NIPBL: variants seen among roughly 807,000 people sequenced by gnomAD.
The protein encoded by NIPBL is NIPBL cohesin loading factor, also known as nipped-B-like protein.
In NIPBL, 19 loss-of-function variants were observed where a neutral mutation model predicts 321.8. That is an observed-to-expected ratio of 0.06 (90% CI 0.04 to 0.09). The LOEUF (loss-of-function observed/expected upper bound fraction) is 0.09, where lower values mean the gene tolerates loss of function less well. Ranked by LOEUF, NIPBL falls within the 10% of genes least tolerant of loss-of-function variation. The probability of loss-of-function intolerance (pLI) is 1.00; values close to 1 mark genes in which losing one functional copy is unlikely to be tolerated. For synonymous variants in NIPBL, 1,106 were observed against 1,114.1 expected (o/e 0.99, Z 0.14); for missense variants, 2,210 against 3,327.0 (o/e 0.66, Z 8.26).
At chr5:37,007,539 G>C (rs1035339684) in intron 18 of NIPBL, 65 bp downstream of exon 18, 3 of 1,147,680 alleles carry the variant, frequency 2.6e-6, no homozygotes, top group African/African-American at 3.1e-5. Flanking sequence ...GTATAACCTA[G>C]CTCACTCAAT....
chr5:37,056,436 T>C (rs367840537), intron 42 of NIPBL, among the ~76,000 whole-genome samples: 3 of 152,164 alleles, frequency 2.0e-5, no homozygotes, highest in African/African-American at 7.2e-5. Context: ...CCTTTCTGTT[T>C]ATGATCATGA....
At position 37,052,467 on chromosome 5, in the gene NIPBL, T is replaced by A. The variant is rs773405443; in HGVS notation, c.7164T>A (p.Ser2388=). ...GGGGTTTCAGACAAGACGAGTCCTC[T>A]AGCGCTTTGTGTTCACACCTTTACT... ...PVRGFRQDES[S]SALCSHLYSM... The change falls in exon 42 of 47, where the codon TCT becomes TCA. Residue 2388 remains serine, a synonymous_variant. Coordinates refer to ENST00000282516, the MANE Select transcript of NIPBL (RefSeq NM_133433.4). The A allele has an allele frequency of 2.5e-6, 4 of 1,614,002 alleles. No homozygotes were observed. The highest frequency in any genetic ancestry group is 3.3e-5 in the Admixed American group (2 of 59,990).
chr5:37,037,360 C>T (rs1179565432), intron 33 of NIPBL, among the ~76,000 whole-genome samples: 1 of 148,964 alleles, frequency 6.7e-6, no homozygotes, highest in African/African-American at 2.5e-5. Flanking sequence ...TGCACTCCAG[C>T]CTGGGTGACA....
chr5:36,913,489 A>G (rs982240384), intron 1 of NIPBL, among the ~76,000 whole-genome samples: 36 of 151,542 alleles, frequency 2.4e-4, no homozygotes, highest in African/African-American at 8.7e-4. Context: ...TCCTGGGCTC[A>G]AGCCATCCAC....
intron 9 of NIPBL, among the ~76,000 whole-genome samples, chr5:36,976,690 G>A (rs991172519): frequency 3.9e-5 from 6 of 151,938 alleles, no homozygotes; most frequent in African/African-American, 1.4e-4. Context: ...ATGAACATTA[G>A]CATTTCTATA....
intron 1 of NIPBL, among the ~76,000 whole-genome samples, chr5:36,905,715 C>T (rs1747579670): frequency 6.6e-6 from 1 of 151,520 alleles, no homozygotes; most frequent in African/African-American, 2.4e-5. Context: ...ATAAGAAAGT[C>T]AAAGAAAATT....
At chr5:36,907,804 C>T (rs1368581163) in intron 1 of NIPBL, among the ~76,000 whole-genome samples, 1 of 152,068 alleles carries the variant, frequency 6.6e-6, no homozygotes, top group African/African-American at 2.4e-5. Context: ...AATAACTAAA[C>T]TAAATAAATA....
In NIPBL at chr5:37,002,784, A is replaced by G; in HGVS notation, c.3768+19A>G. Reference sequence around the variant, plus strand: ...GGATAAGGTATCTCACCAAAGTAAAATTTATAAATTTACTTCATAGAAACA... The same window carrying G: ...GGATAAGGTATCTCACCAAAGTAAAGTTTATAAATTTACTTCATAGAAACA... On this transcript the variant is annotated intron_variant, in intron 15 of 46. Transcript: ENST00000282516. 7.7e-7 allele frequency: 1 copy of G among 1,300,676 alleles called. No homozygotes were observed. Among genetic ancestry groups the G allele is most frequent in the Non-Finnish European group, 1.1e-6 (1 of 899,422 alleles). 80.6% of individuals were successfully genotyped at this position (1,300,676 alleles called of 1,614,324 possible).
At chr5:36,971,599 A>G (rs1742861479) in intron 7 of NIPBL, 1 of 152,524 alleles carries the variant, frequency 6.6e-6, no homozygotes, top group Non-Finnish European at 1.5e-5. Context: ...TGTAAGCTGC[A>G]TGTGTCTAAG....
intron 1 of NIPBL, among the ~76,000 whole-genome samples, chr5:36,945,566 A>G (rs563243833): frequency 9.9e-5 from 15 of 152,190 alleles, no homozygotes; most frequent in Non-Finnish European, 2.1e-4. Flanking sequence ...ACGCATATAC[A>G]TTATTGGTAT....
At chr5:37,051,609 C>A in intron 40 of NIPBL, 170 bp from the exon 41 acceptor site, 1 of 615,972 alleles carries the variant, frequency 1.6e-6, no homozygotes. Flanking sequence ...TGGATTTAAG[C>A]TGAATCTCAA....
intron 24 of NIPBL, among the ~76,000 whole-genome samples, chr5:37,018,151 A>C (rs1749202941): frequency 6.6e-6 from 1 of 151,952 alleles, no homozygotes; most frequent in South Asian, 2.1e-4. Context: ...TGAATCAAAA[A>C]CTCTTGGTTT....
chr5:37,042,611 G>A (rs1435658919), intron 34 of NIPBL, among the ~76,000 whole-genome samples: 1 of 152,024 alleles, frequency 6.6e-6, no homozygotes, highest in Non-Finnish European at 1.5e-5. Context: ...CCAATATGGT[G>A]AAACCCCATC....
chr5:37,057,410 ATTC>A lies in NIPBL; in HGVS notation c.7410+81_7410+83del, dbSNP rs546207972. 1.9e-3 allele frequency: 2,517 copies of A among 1,356,762 alleles called. 3 individuals are homozygous for A. The highest frequency in any genetic ancestry group is 3.2e-3 in the Admixed American group (190 of 58,926). 84.0% of individuals were successfully genotyped at this position (1,356,762 alleles called of 1,614,324 possible). ...TGTTTTCACTGTTTTGTTTCTCATT[ATTC>A]TTTTTATCCTCTTCACGAGTATATA... is the stretch of plus-strand genomic sequence containing the variant. On this transcript the variant is annotated intron_variant, in intron 43 of 46. Transcript: ENST00000282516.
intron 1 of NIPBL, among the ~76,000 whole-genome samples, chr5:36,904,963 C>T (rs181234496): frequency 1.3e-3 from 191 of 152,204 alleles, no homozygotes; most frequent in Non-Finnish European, 2.4e-3. Context: ...AGGTGGATGG[C>T]GTAATTGAAG....
At chr5:36,984,628 A>G (rs761629921) in intron 9 of NIPBL, 48 bp from the exon 10 acceptor site, 1 of 1,516,444 alleles carries the variant, frequency 6.6e-7, no homozygotes, top group South Asian at 1.2e-5. Context: ...TTAATAAGAT[A>G]AGAATACATG....
intron 1 of NIPBL, among the ~76,000 whole-genome samples, chr5:36,921,080 T>G (rs60730034): frequency 0.086 from 13,147 of 152,064 alleles, 622 homozygotes; most frequent in Middle Eastern, 0.13. Context: ...ATACTCTAGT[T>G]TTCTTAGCTA....
chr5:36,884,728 A>T (rs940827591), intron 1 of NIPBL, among the ~76,000 whole-genome samples: 2 of 152,184 alleles, frequency 1.3e-5, no homozygotes, highest in African/African-American at 4.8e-5. Context: ...GGTATTTCTT[A>T]AAGGTATGTT....
At chr5:37,050,010 C>T (rs1459792475) in intron 40 of NIPBL, among the ~76,000 whole-genome samples, 2 of 152,094 alleles carry the variant, frequency 1.3e-5, no homozygotes, top group Non-Finnish European at 2.9e-5. Context: ...AACATGTTAA[C>T]AAATATTTAT....
Sources: allele counts gnomAD v4.1 joint callset (sites outside exome capture counted in the v4.1 genomes callset), GRCh38; gene constraint gnomAD v4.1.1; transcripts MANE v1.5; gene names NCBI Gene and HGNC (gene_info 2026-07-23, HGNC 2026-07-21).